Variants in ATXN1 observed in about 807,000 individuals in gnomAD.
The protein encoded by ATXN1 is ataxin 1, also known as ataxin-1.
Under a neutral mutation model 56.4 loss-of-function variants are expected in ATXN1, and 8 were observed. The observed-to-expected ratio is 0.14, with a 90% CI of 0.08 to 0.26. The LOEUF (loss-of-function observed/expected upper bound fraction) is 0.26. Among genes scored for constraint, ATXN1 ranks in the 10% least tolerant of loss-of-function variants. The probability of loss-of-function intolerance (pLI) is 1.00; values close to 1 mark genes in which losing one functional copy is unlikely to be tolerated. For missense variants in ATXN1, 987 were observed against 1,106.5 expected (o/e 0.89, Z 1.53); for synonymous variants, 514 against 494.6 (o/e 1.04, Z -0.52).
chr6:16,325,762 T>TTA (rs1372831247), intron 7 of ATXN1, among the ~76,000 whole-genome samples: 1 of 152,056 alleles, frequency 6.6e-6, no homozygotes, highest in East Asian at 1.9e-4. Flanking sequence ...TAATAAGACA[T>TTA]TATATATATG....
chr6:16,757,278 C>T (rs1246668805), intron 1 of ATXN1, among the ~76,000 whole-genome samples: 2 of 152,212 alleles, frequency 1.3e-5, no homozygotes, highest in Non-Finnish European at 2.9e-5. Flanking sequence ...AAAAATATTG[C>T]CTTTGGCGGT....
chr6:16,489,817 C>CA (rs1001644073), intron 5 of ATXN1, among the ~76,000 whole-genome samples: 1 of 151,622 alleles, frequency 6.6e-6, no homozygotes, highest in African/African-American at 2.4e-5. Context: ...GACTCCGACT[C>CA]AAAAAAAGGA....
Position 16,300,541 on chromosome 6 carries a change from G to C in ATXN1, c.*5788C>G, listed in dbSNP as rs546329921. 2 of 152,200 alleles carry C rather than the reference G, an allele frequency of 1.3e-5. No individual in the cohort carries two copies. The highest frequency in any genetic ancestry group is 1.5e-5 in the Non-Finnish European group (1 of 68,030). The allele number at this position is 152,200 out of a possible 1,614,324, so 9.4% of individuals were successfully genotyped here. The stretch of plus-strand genomic sequence containing the variant: ...GAATACTATTCTGAGAAGATGCTCC[G>C]TATTTATTCTGGCCTCTTTATATTA... On this transcript the variant is annotated 3_prime_UTR_variant, in exon 8 of 8. Coordinates refer to ENST00000436367, the MANE Select transcript of ATXN1 (RefSeq NM_001128164.2).
Position 16,326,261 on chromosome 6 carries a change from A to G in ATXN1, c.1917+133T>C. 1 of 1,445,830 alleles carries G rather than the reference A, an allele frequency of 6.9e-7. No individual in the cohort carries two copies. Among genetic ancestry groups the G allele is most frequent in the Non-Finnish European group, 9.1e-7 (1 of 1,102,700 alleles). The allele number at this position is 1,445,830 out of a possible 1,614,324, so 89.6% of individuals were successfully genotyped here. A position where few individuals can be genotyped will look rare whatever the true frequency, so the allele number is the denominator to read the frequency against. The stretch of plus-strand genomic sequence containing the variant: ...TTTTTTCTAGAGAACGCAGTTGGGA[A>G]AGGCCGAGTCTAAGGTCTAGGTGTA... On this transcript the variant is annotated intron_variant, in intron 7 of 7. Transcript: ENST00000436367. The surrounding 1 kb of genome is among the most constrained non-coding windows in gnomAD (Gnocchi z 6.6).
At chr6:16,588,590 A>G (rs1762669354) in intron 3 of ATXN1, among the ~76,000 whole-genome samples, 1 of 152,174 alleles carries the variant, frequency 6.6e-6, no homozygotes, top group Non-Finnish European at 1.5e-5. Context: ...CCCTGGTTAT[A>G]GTAGTCATTT....
At chr6:16,509,116 G>A (rs13219690) in intron 5 of ATXN1, among the ~76,000 whole-genome samples, 21,607 of 151,928 alleles carry the variant, frequency 0.14, 1,989 homozygotes, top group East Asian at 0.33. Flanking sequence ...AAGGGGGAAG[G>A]GGGAATTTAT....
At chr6:16,511,873 T>C (rs1761087282) in intron 5 of ATXN1, among the ~76,000 whole-genome samples, 1 of 152,182 alleles carries the variant, frequency 6.6e-6, no homozygotes, top group Non-Finnish European at 1.5e-5. Flanking sequence ...TGATGGTCAG[T>C]CCCAGGCCAC....
At chr6:16,701,687 C>A (rs180968855) in intron 2 of ATXN1, among the ~76,000 whole-genome samples, 3,117 of 144,564 alleles carry the variant, frequency 0.022, 39 homozygotes, top group Non-Finnish European at 0.03. Context: ...TTATACACCA[C>A]TAACAGACAA....
intron 6 of ATXN1, among the ~76,000 whole-genome samples, chr6:16,415,240 G>T (rs544304573): frequency 4.6e-5 from 7 of 152,180 alleles, no homozygotes; most frequent in Non-Finnish European, 8.8e-5. Flanking sequence ...TTTGTTTTTG[G>T]TTTTTTTGAG....
intron 6 of ATXN1, among the ~76,000 whole-genome samples, chr6:16,472,396 T>C (rs1760237777): frequency 2.0e-5 from 3 of 152,226 alleles, no homozygotes; most frequent in Admixed American, 1.3e-4. Context: ...ACTTGTTCTA[T>C]ACTGTGTTCT....
In ATXN1 at chr6:16,712,067, G is replaced by C. The variant is rs1759535493; in HGVS notation, c.-615+41166C>G. 1.3e-5 allele frequency among the ~76,000 whole-genome samples: 2 copies of C among 152,242 alleles called. 1 individual carries two copies. Among genetic ancestry groups the C allele is most frequent in the South Asian group, 4.1e-4 (2 of 4,824 alleles). ...GTGGTTGATGACGGGGAGGTGGAAA[G>C]TTGACAGGAAGGGGGCAGAGGGGCT... On this transcript the variant is annotated intron_variant, in intron 2 of 7. Transcript: ENST00000436367.
intron 6 of ATXN1, among the ~76,000 whole-genome samples, chr6:16,467,922 T>C (rs1364234959): frequency 6.6e-6 from 1 of 152,230 alleles, no homozygotes; most frequent in East Asian, 1.9e-4. Flanking sequence ...CTGTTCTCTG[T>C]AAAACACGGA....
intron 2 of ATXN1, among the ~76,000 whole-genome samples, chr6:16,665,489 G>C (rs1174794337): frequency 7.9e-6 from 1 of 126,904 alleles, no homozygotes; most frequent in South Asian, 2.7e-4. Context: ...TAATGTCTTA[G>C]TATTACCATA....
intron 3 of ATXN1, among the ~76,000 whole-genome samples, chr6:16,605,582 G>A (rs1247471055): frequency 6.6e-6 from 1 of 152,176 alleles, no homozygotes; most frequent in Non-Finnish European, 1.5e-5. Context: ...TGATGCATGG[G>A]GGAAGAGGTA....
At chr6:16,539,008 C>T (rs1761660931) in intron 4 of ATXN1, among the ~76,000 whole-genome samples, 1 of 152,032 alleles carries the variant, frequency 6.6e-6, no homozygotes, top group Admixed American at 6.6e-5. Context: ...TCTAACCTAT[C>T]CTCTCCTCAC....
intron 2 of ATXN1, among the ~76,000 whole-genome samples, chr6:16,712,077 A>AG (rs1165325298): frequency 6.6e-6 from 1 of 152,104 alleles, no homozygotes; most frequent in Non-Finnish European, 1.5e-5. Flanking sequence ...GTTGACAGGA[A>AG]GGGGGCAGAG....
In ATXN1 at chr6:16,441,794, C is replaced by T. The variant is rs146608539; in HGVS notation, c.-161+44178G>A. On this transcript the variant is annotated intron_variant, in intron 6 of 7. Transcript: ENST00000436367. Reference sequence around the variant, plus strand: ...TACAACAGATAATCTTTGAGGAGTGCTAAAAAATAGAAAGGAGAAAGTGTT... The same window carrying T: ...TACAACAGATAATCTTTGAGGAGTGTTAAAAAATAGAAAGGAGAAAGTGTT... Among the ~76,000 whole-genome samples, 66 of 151,536 alleles carry T rather than the reference C, an allele frequency of 4.4e-4. 1 individual carries two copies. In the East Asian group the frequency reaches 0.012, roughly 28 times the overall value.
At chr6:16,582,082 C>A (rs1168027611) in intron 4 of ATXN1, among the ~76,000 whole-genome samples, 1 of 152,182 alleles carries the variant, frequency 6.6e-6, no homozygotes, top group Non-Finnish European at 1.5e-5. Context: ...CATTTCCTGG[C>A]CTGGTCCGGC....
Position 16,482,635 on chromosome 6 carries a change from C to T in ATXN1, c.-161+3337G>A, listed in dbSNP as rs138309730. 3.5e-3 allele frequency among the ~76,000 whole-genome samples: 536 copies of T among 152,196 alleles called. 3 individuals carry two copies. Among genetic ancestry groups the T allele is most frequent in the African/African-American group, 0.012 (506 of 41,532 alleles). ...AGAAAACTCAAGTTCAAAAATCGTTCCTGTTTATTTTCAAAAGGACCAATG... is the reference window on the plus strand; with the variant it reads ...AGAAAACTCAAGTTCAAAAATCGTTTCTGTTTATTTTCAAAAGGACCAATG... On this transcript the variant is annotated intron_variant, in intron 6 of 7. Coordinates refer to ENST00000436367, the MANE Select transcript of ATXN1 (RefSeq NM_001128164.2).
Sources: gnomAD v4.1 joint callset for allele counts (sites outside exome capture counted in the v4.1 genomes callset) on GRCh38, gnomAD v4.1.1 for gene constraint, Gnocchi (gnomAD v3.1) non-coding constraint, MANE v1.5 for transcripts, NCBI Gene and HGNC (gene_info 2026-07-23, HGNC 2026-07-21) for gene names.